LRP1B: variants seen among roughly 807,000 people sequenced by gnomAD.
The protein encoded by LRP1B is LDL receptor related protein 1B, also known as low-density lipoprotein receptor-related protein 1B.
LRP1B carries 217 observed loss-of-function variants against 556.6 expected under a neutral mutation model. The observed-to-expected ratio is 0.39, with a 90% CI of 0.35 to 0.44. The LOEUF (loss-of-function observed/expected upper bound fraction) is 0.44. LRP1B is among the 20% of genes least tolerant of loss of function. LRP1B has a pLI of 1.00. For missense variants in LRP1B, 5,053 were observed against 5,620.8 expected (o/e 0.90, Z 3.23); for synonymous variants, 2,047 against 1,865.8 (o/e 1.10, Z -2.50).
chr2:140,515,799 A>T lies in LRP1B; in HGVS notation c.8150-1027T>A, dbSNP rs943142556. 3.9e-5 allele frequency among the ~76,000 whole-genome samples: 6 copies of T among 152,068 alleles called. No individual in the cohort carries two copies. In the East Asian group the frequency reaches 1.2e-3, roughly 29 times the overall value. On this transcript the variant is annotated intron_variant, in intron 50 of 90. Transcript: ENST00000389484. ...TGGCTCTAATGTAAAGATATATGGC[A>T]TCTTAGTAAAATAAAATGCACCTTC...
chr2:140,720,718 C>A (rs1007850041), intron 35 of LRP1B, among the ~76,000 whole-genome samples: 2 of 152,102 alleles, frequency 1.3e-5, no homozygotes, highest in Non-Finnish European at 2.9e-5. Flanking sequence ...TTGTTGACCA[C>A]CTTCTGTGAA....
Position 141,189,643 on chromosome 2 carries a change from C to T in LRP1B, c.851-1060G>A, listed in dbSNP as rs532780007. Among the ~76,000 whole-genome samples the T allele has an allele frequency of 1.7e-3, 259 of 150,628 alleles. 1 individual carries two copies. The highest frequency in any genetic ancestry group is 3.0e-3 in the Non-Finnish European group (207 of 67,920). ...TGGCCTCAGCTTCTTCCTTTTAGGTCAACAATAAAAAAATTCCATATTTAT... is the reference window on the plus strand; with the variant it reads ...TGGCCTCAGCTTCTTCCTTTTAGGTTAACAATAAAAAAATTCCATATTTAT... On this transcript the variant is annotated intron_variant, in intron 6 of 90. Transcript: ENST00000389484.
chr2:141,518,926 GACA>G (rs1172557229), intron 2 of LRP1B, among the ~76,000 whole-genome samples: 1 of 152,040 alleles, frequency 6.6e-6, no homozygotes. Context: ...CTCCAGCCTG[GACA>G]ACAAGAGTGA....
intron 77 of LRP1B, among the ~76,000 whole-genome samples, chr2:140,339,194 C>A (rs1010782257): frequency 6.6e-6 from 1 of 151,768 alleles, no homozygotes; most frequent in African/African-American, 2.4e-5. Flanking sequence ...TTAGAGGTTA[C>A]TAGTTTAAAT....
chr2:142,066,787 G>T (rs985218933), intron 1 of LRP1B, among the ~76,000 whole-genome samples: 1 of 151,348 alleles, frequency 6.6e-6, no homozygotes, highest in African/African-American at 2.4e-5. Context: ...TCAGTGCTTT[G>T]TTACAGTGGT....
At chr2:140,871,797 T>C (rs576695752) in intron 25 of LRP1B, among the ~76,000 whole-genome samples, 5 of 152,274 alleles carry the variant, frequency 3.3e-5, no homozygotes, top group South Asian at 2.1e-4. Flanking sequence ...TTCTTTTTTT[T>C]CCACCATGAC....
At chr2:141,288,399 G>GA (rs1573758327) in intron 3 of LRP1B, among the ~76,000 whole-genome samples, 1 of 151,976 alleles carries the variant, frequency 6.6e-6, no homozygotes, top group African/African-American at 2.4e-5. Context: ...ACAATGCAGT[G>GA]AAAATGCATA....
chr2:141,822,130 C>CACACAGAGAGAGAGAGAGAGAGAGAG (rs374369026), intron 1 of LRP1B, among the ~76,000 whole-genome samples: 11 of 95,886 alleles, frequency 1.1e-4, no homozygotes, highest in African/African-American at 3.6e-4. Context: ...CACACACACA[C>CACACAGAGAGAGAGAGAGAGAGAGAG]AGAGAGAGAG....
In LRP1B at chr2:141,048,942, T is replaced by A. The variant is rs200902448; in HGVS notation, c.1789+44A>T. The A allele has an allele frequency of 1.3e-5, 19 of 1,417,782 alleles. No individual in the cohort carries two copies. In the East Asian group the frequency reaches 4.3e-4, roughly 32 times the overall value. The allele number at this position is 1,417,782 out of a possible 1,614,324, so 87.8% of individuals were successfully genotyped here. A position where few individuals can be genotyped will look rare whatever the true frequency, so the allele number is the denominator to read the frequency against. ...CACTGGATTTATCCTTTTAAAGTGCTTCATCTCTGGGTAGTTTGATGTTAA... is the reference window on the plus strand; with the variant it reads ...CACTGGATTTATCCTTTTAAAGTGCATCATCTCTGGGTAGTTTGATGTTAA... On this transcript the variant is annotated intron_variant, in intron 11 of 90. Transcript: ENST00000389484.
At chr2:140,843,166 A>G (rs545335336) in intron 29 of LRP1B, among the ~76,000 whole-genome samples, 3 of 133,898 alleles carry the variant, frequency 2.2e-5, no homozygotes, top group Non-Finnish European at 4.6e-5. Flanking sequence ...CCTTTTATTC[A>G]TTTCTGATAG....
At chr2:140,488,825 A>G (rs1381702280) in intron 57 of LRP1B, among the ~76,000 whole-genome samples, 1 of 151,976 alleles carries the variant, frequency 6.6e-6, no homozygotes, top group Non-Finnish European at 1.5e-5. Flanking sequence ...GAAATGTATG[A>G]GTAGCTGTAG....
chr2:141,515,644 A>G lies in LRP1B; in HGVS notation c.206-35111T>C, dbSNP rs141000034. Among the ~76,000 whole-genome samples the G allele has an allele frequency of 5.0e-3, 757 of 152,312 alleles. 2 individuals are homozygous for G. Among genetic ancestry groups the G allele is most frequent in the Non-Finnish European group, 8.4e-3 (574 of 68,022 alleles). ...TTAAAAATTCTGACAGTAAATTTTT[A>G]CTGGGGCTTTACATTCTGAATAGTA... On this transcript the variant is annotated intron_variant, in intron 2 of 90. Transcript: ENST00000389484.
At chr2:141,591,708 T>G (rs1208510999) in intron 2 of LRP1B, among the ~76,000 whole-genome samples, 2 of 152,020 alleles carry the variant, frequency 1.3e-5, no homozygotes, top group Admixed American at 1.3e-4. Flanking sequence ...CACACAAATG[T>G]CGACAGGCTT....
At chr2:140,615,291 T>C (rs1478139783) in intron 41 of LRP1B, among the ~76,000 whole-genome samples, 1 of 152,108 alleles carries the variant, frequency 6.6e-6, no homozygotes, top group Admixed American at 6.6e-5. Flanking sequence ...CAACCCTCTA[T>C]GGTTTCATCC....
chr2:141,437,907 TA>T (rs1328578265), intron 3 of LRP1B, among the ~76,000 whole-genome samples: 5 of 152,150 alleles, frequency 3.3e-5, no homozygotes, highest in Admixed American at 6.5e-5. Context: ...CATGTGTCCT[TA>T]ATGAGTTTGC....
At chr2:141,828,336 T>A (rs352978) in intron 1 of LRP1B, among the ~76,000 whole-genome samples, 54,920 of 151,790 alleles carry the variant, frequency 0.36, 10,120 homozygotes, top group Middle Eastern at 0.47. Context: ...GTAATTCAAT[T>A]TAAACATTCA....
intron 77 of LRP1B, among the ~76,000 whole-genome samples, chr2:140,338,905 C>T (rs771950183): frequency 2.6e-5 from 4 of 151,710 alleles, no homozygotes; most frequent in Non-Finnish European, 5.9e-5. Context: ...TAGACAGGCA[C>T]ACCCATGAAA....
intron 2 of LRP1B, among the ~76,000 whole-genome samples, chr2:141,766,607 A>G (rs1445203165): frequency 6.6e-6 from 1 of 152,160 alleles, no homozygotes; most frequent in Admixed American, 6.5e-5. Context: ...ACTTCTCTCC[A>G]ACAGAAAATG....
At chr2:140,320,894 C>G (rs968055466) in intron 82 of LRP1B, among the ~76,000 whole-genome samples, 2 of 151,880 alleles carry the variant, frequency 1.3e-5, no homozygotes, top group African/African-American at 4.8e-5. Context: ...AATACACACA[C>G]ACACACACAA....
Sources: allele counts gnomAD v4.1 joint callset (sites outside exome capture counted in the v4.1 genomes callset), GRCh38; gene constraint gnomAD v4.1.1; transcripts MANE v1.5; gene names NCBI Gene and HGNC (gene_info 2026-07-23, HGNC 2026-07-21).